ESR1: variants seen among roughly 807,000 people sequenced by gnomAD.
ESR1 encodes the protein estrogen receptor 1, also known as estrogen receptor.
Under a neutral mutation model 52.7 loss-of-function variants are expected in ESR1, and 12 were observed. That is an observed-to-expected ratio of 0.23 (90% CI 0.15 to 0.37). The LOEUF is 0.37. Among genes scored for constraint, ESR1 ranks in the 10% least tolerant of loss-of-function variants. ESR1 has a pLI of 1.00. For missense variants in ESR1, 584 were observed against 779.7 expected (o/e 0.75, Z 2.99); for synonymous variants, 305 against 316.8 (o/e 0.96, Z 0.39).
At chr6:151,702,642 T>C (rs1779883480) in intron 2 of ESR1, among the ~76,000 whole-genome samples, 1 of 152,194 alleles carries the variant, frequency 6.6e-6, no homozygotes, top group East Asian at 1.9e-4. Context: ...AAACAACAGG[T>C]AGCAGTTTCA....
chr6:152,038,875 C>T (rs1414555806), intron 5 of ESR1, among the ~76,000 whole-genome samples: 3 of 152,144 alleles, frequency 2.0e-5, no homozygotes, highest in African/African-American at 7.2e-5. Context: ...GTGATCCACC[C>T]ACCTCGGCCT....
At chr6:151,861,637 G>A (rs1788905739) in intron 2 of ESR1, among the ~76,000 whole-genome samples, 1 of 152,182 alleles carries the variant, frequency 6.6e-6, no homozygotes, top group South Asian at 2.1e-4. Flanking sequence ...ATCTGGGTTA[G>A]GGTCTCAGGA....
chr6:151,905,706 G>A (rs1335901325), intron 3 of ESR1, among the ~76,000 whole-genome samples: 6 of 152,098 alleles, frequency 3.9e-5, no homozygotes, highest in Non-Finnish European at 8.8e-5. Flanking sequence ...CCATATTTGG[G>A]CATATAAGAA....
At chr6:152,052,804 A>G (rs1173360518) in intron 5 of ESR1, among the ~76,000 whole-genome samples, 4 of 152,148 alleles carry the variant, frequency 2.6e-5, no homozygotes, top group Admixed American at 1.3e-4. Context: ...AGCAGACAGC[A>G]CGGGCAAGTG....
At chr6:151,845,861 T>C (rs1271369172) in intron 2 of ESR1, among the ~76,000 whole-genome samples, 5 of 152,170 alleles carry the variant, frequency 3.3e-5, no homozygotes, top group Non-Finnish European at 5.9e-5. Flanking sequence ...CATTCACTTA[T>C]TCATTGACTA....
In ESR1 at chr6:151,944,108, T is replaced by C. The variant is rs573673417; in HGVS notation, c.761-65T>C. ...AATGAAAGCTGGTTAGCTTTGAAAA[T>C]TTTTTGTATAAAAGTTTACACGGGA... On this transcript the variant is annotated intron_variant, in intron 3 of 7. Coordinates refer to ENST00000206249, the MANE Select transcript of ESR1 (RefSeq NM_000125.4). 2.8e-6 allele frequency: 4 copies of C among 1,449,170 alleles called. No individual in the cohort carries two copies. In the South Asian group the frequency reaches 3.5e-5, roughly 13 times the overall value. 89.8% of individuals were successfully genotyped at this position (1,449,170 alleles called of 1,614,324 possible).
chr6:151,794,336 A>G (rs1776484707), intron 2 of ESR1, among the ~76,000 whole-genome samples: 1 of 152,242 alleles, frequency 6.6e-6, no homozygotes, highest in Non-Finnish European at 1.5e-5. Flanking sequence ...GATAAAGTTA[A>G]GAAAAATTCA....
intron 4 of ESR1, among the ~76,000 whole-genome samples, chr6:152,008,330 A>C (rs2042497117): frequency 6.6e-6 from 1 of 152,130 alleles, no homozygotes; most frequent in African/African-American, 2.4e-5. Flanking sequence ...TGGGAAAGAT[A>C]ATTAAATAGA....
intron 5 of ESR1, among the ~76,000 whole-genome samples, chr6:152,024,827 T>C (rs1473969344): frequency 1.3e-5 from 2 of 149,894 alleles, no homozygotes; most frequent in South Asian, 2.1e-4. Context: ...CATATACACA[T>C]ATATACACAT....
At chr6:151,896,088 A>G (rs1461645503) in intron 3 of ESR1, among the ~76,000 whole-genome samples, 1 of 152,166 alleles carries the variant, frequency 6.6e-6, no homozygotes, top group Non-Finnish European at 1.5e-5. Context: ...CGTGAGCCAC[A>G]GCGCCCGGCC....
chr6:151,786,347 C>T (rs1210880187), intron 2 of ESR1, among the ~76,000 whole-genome samples: 2 of 152,160 alleles, frequency 1.3e-5, no homozygotes. Flanking sequence ...TCTCCTGCCC[C>T]ACCCCGGTTT....
chr6:151,682,056 C>T (rs1778480871), intron 1 of ESR1, among the ~76,000 whole-genome samples: 1 of 152,202 alleles, frequency 6.6e-6, no homozygotes, highest in Non-Finnish European at 1.5e-5. Context: ...CTGTCTGAGT[C>T]CCCGTAGGAA....
chr6:151,805,650 C>A (rs537224022), upstream of ESR1: 33 of 152,584 alleles, frequency 2.2e-4, no homozygotes, highest in African/African-American at 8.0e-4. Flanking sequence ...GGCTGCTTCC[C>A]GAATCCCTGC....
At chr6:151,957,665 GT>G (rs11357135) in intron 4 of ESR1, among the ~76,000 whole-genome samples, 84,712 of 151,858 alleles carry the variant, frequency 0.56, 25,345 homozygotes, top group Middle Eastern at 0.72. Flanking sequence ...GCTTAAAGTA[GT>G]TATACATGCA....
rs2050442831 is a variant in ESR1, at chr6:152,094,320, C to A, written c.1370-65C>A. 1.4e-6 allele frequency: 2 copies of A among 1,416,040 alleles called. No homozygotes were observed. Among genetic ancestry groups the A allele is most frequent in the Non-Finnish European group, 2.0e-6 (2 of 1,000,062 alleles). 87.7% of individuals were successfully genotyped at this position (1,416,040 alleles called of 1,614,324 possible). A position where few individuals can be genotyped will look rare whatever the true frequency, so the allele number is the denominator to read the frequency against. On this transcript the variant is annotated intron_variant, in intron 6 of 7. Transcript: ENST00000206249. The surrounding 1 kb of genome is among the most constrained non-coding windows in gnomAD (Gnocchi z 4.6). ...GGCTCATTGTTACATCCCATGAACA[C>A]TCTGGGTCTCCTAGACCTCATCCTC... is the stretch of plus-strand genomic sequence containing the variant.
chr6:151,816,530 A>G (rs1228920361), intron 1 of ESR1, among the ~76,000 whole-genome samples: 1 of 152,200 alleles, frequency 6.6e-6, no homozygotes, highest in Non-Finnish European at 1.5e-5. Context: ...AAGGGAATTG[A>G]GTACTATACC....
chr6:151,847,029 T>C (rs1261113600), intron 2 of ESR1, among the ~76,000 whole-genome samples: 2 of 152,240 alleles, frequency 1.3e-5, no homozygotes, highest in Non-Finnish European at 2.9e-5. Context: ...CCACTAGCTA[T>C]GTTGCCATTT....
rs575535438 is a variant in ESR1, at chr6:152,101,951, C to T, written c.*2985C>T. 215 of 217,288 alleles carry T rather than the reference C, an allele frequency of 9.9e-4. No homozygotes were observed. The highest frequency in any genetic ancestry group is 1.2e-3 in the African/African-American group (53 of 44,546). The allele number at this position is 217,288 out of a possible 1,614,324, so 13.5% of individuals were successfully genotyped here. A position where few individuals can be genotyped will look rare whatever the true frequency, so the allele number is the denominator to read the frequency against. On this transcript the variant is annotated 3_prime_UTR_variant, in exon 8 of 8. Transcript: ENST00000206249. Reference sequence around the variant, plus strand: ...GAAAGAACAACATCAGCAGTAAAGTCCATGGAATAGCTAGTGGTCTGTGTT... The same window carrying T: ...GAAAGAACAACATCAGCAGTAAAGTTCATGGAATAGCTAGTGGTCTGTGTT...
chr6:151,861,512 G>A (rs1051927048), intron 2 of ESR1, among the ~76,000 whole-genome samples: 11 of 152,078 alleles, frequency 7.2e-5, no homozygotes, highest in African/African-American at 1.2e-4. Context: ...TTTCTGTTCC[G>A]CAGATTGGCT....
Sources: allele counts gnomAD v4.1 joint callset (sites outside exome capture counted in the v4.1 genomes callset), GRCh38; gene constraint gnomAD v4.1.1; non-coding constraint Gnocchi (gnomAD v3.1); transcripts MANE v1.5; gene names NCBI Gene and HGNC (gene_info 2026-07-23, HGNC 2026-07-21).